CSMD1: variants seen among roughly 807,000 people sequenced by gnomAD.
CSMD1 encodes the protein CUB and Sushi multiple domains 1.
Under a neutral mutation model 417.5 loss-of-function variants are expected in CSMD1, and 213 were observed. The observed-to-expected ratio is 0.51, with a 90% CI of 0.46 to 0.57. The LOEUF (loss-of-function observed/expected upper bound fraction) is 0.57. Among genes scored for constraint, CSMD1 ranks in the 20% least tolerant of loss-of-function variants. CSMD1 has a pLI of 0.00. For missense variants in CSMD1, 6,923 were observed against 4,529.7 expected (o/e 1.53, Z -15.17); for synonymous variants, 2,862 against 1,736.8 (o/e 1.65, Z -16.11).
intron 5 of CSMD1, among the ~76,000 whole-genome samples, chr8:3,976,465 C>T (rs576358814): frequency 6.6e-6 from 1 of 152,104 alleles, no homozygotes; most frequent in African/African-American, 2.4e-5. Context: ...CAGCTGTCTC[C>T]CGGGTCTAGA....
chr8:3,847,871 G>C (rs1014197593), intron 5 of CSMD1, among the ~76,000 whole-genome samples: 1 of 152,142 alleles, frequency 6.6e-6, no homozygotes, highest in Non-Finnish European at 1.5e-5. Flanking sequence ...GCTCCCTATA[G>C]CTAGTCTGAC....
intron 3 of CSMD1, among the ~76,000 whole-genome samples, chr8:4,285,010 GGAT>G (rs1254007064): frequency 6.6e-6 from 1 of 152,090 alleles, no homozygotes; most frequent in African/African-American, 2.4e-5. Context: ...TGTAAAATGG[GGAT>G]AATAATGGTG....
At chr8:3,885,785 A>C (rs1806522383) in intron 5 of CSMD1, among the ~76,000 whole-genome samples, 1 of 152,164 alleles carries the variant, frequency 6.6e-6, no homozygotes, top group Non-Finnish European at 1.5e-5. Context: ...TTATGACAGA[A>C]AGCTGACTTT....
At chr8:3,523,763 A>C (rs1434166789) in intron 10 of CSMD1, among the ~76,000 whole-genome samples, 1 of 151,376 alleles carries the variant, frequency 6.6e-6, no homozygotes, top group South Asian at 2.1e-4. Context: ...GCACACACAC[A>C]TGCACACACA....
chr8:3,703,922 T>G (rs1801015508), intron 7 of CSMD1, among the ~76,000 whole-genome samples: 2 of 151,952 alleles, frequency 1.3e-5, no homozygotes, highest in South Asian at 2.1e-4. Context: ...TACAAAAAAA[T>G]TAGTCGGACA....
intron 5 of CSMD1, among the ~76,000 whole-genome samples, chr8:3,829,059 G>T (rs1216447926): frequency 1.3e-5 from 2 of 151,550 alleles, no homozygotes; most frequent in Non-Finnish European, 2.9e-5. Flanking sequence ...AGTTACTGGG[G>T]TATAGGTGGT....
At chr8:3,614,879 C>T (rs1802061564) in intron 8 of CSMD1, among the ~76,000 whole-genome samples, 1 of 152,094 alleles carries the variant, frequency 6.6e-6, no homozygotes, top group Non-Finnish European at 1.5e-5. Context: ...GCACTGTTGT[C>T]AACTCTGACA....
intron 6 of CSMD1, among the ~76,000 whole-genome samples, chr8:3,714,321 C>G (rs1455366692): frequency 1.3e-5 from 2 of 150,718 alleles, no homozygotes; most frequent in Non-Finnish European, 3.0e-5. Context: ...AATCACATTC[C>G]ATAAGCTACT....
At chr8:3,813,091 G>GTTTT (rs10714284) in intron 5 of CSMD1, among the ~76,000 whole-genome samples, 11 of 135,500 alleles carry the variant, frequency 8.1e-5, no homozygotes, top group South Asian at 2.4e-4. Flanking sequence ...TTTTAAGCTA[G>GTTTT]TTTTTTTTTT....
chr8:3,841,194 G>A (rs910901868), intron 5 of CSMD1, among the ~76,000 whole-genome samples: 2 of 152,008 alleles, frequency 1.3e-5, no homozygotes, highest in Non-Finnish European at 1.5e-5. Context: ...GTAATACAAA[G>A]GAATTCCATA....
intron 3 of CSMD1, among the ~76,000 whole-genome samples, chr8:4,180,246 A>T (rs2680620): frequency 6.6e-5 from 10 of 151,974 alleles, no homozygotes; most frequent in Non-Finnish European, 1.3e-4. Context: ...ACTATGCAGC[A>T]ATAAAAAATG....
intron 3 of CSMD1, among the ~76,000 whole-genome samples, chr8:4,178,233 T>C (rs1798165659): frequency 6.6e-6 from 1 of 152,088 alleles, no homozygotes. Flanking sequence ...TAATCCACTA[T>C]CATCAAGTGG....
At chr8:3,784,645 CTGTT>C (rs1195071500) in intron 5 of CSMD1, among the ~76,000 whole-genome samples, 8 of 152,156 alleles carry the variant, frequency 5.3e-5, no homozygotes, top group Admixed American at 1.3e-4. Context: ...AAATAGAAAT[CTGTT>C]TGGTTTGGAA....
At chr8:3,032,389 T>A (rs1314012381) in intron 50 of CSMD1, among the ~76,000 whole-genome samples, 1 of 151,890 alleles carries the variant, frequency 6.6e-6, no homozygotes. Flanking sequence ...GTCAGTTGTG[T>A]CTCCATGCAC....
intron 1 of CSMD1, among the ~76,000 whole-genome samples, chr8:4,786,733 T>C (rs890892201): frequency 6.6e-6 from 1 of 152,080 alleles, no homozygotes; most frequent in Non-Finnish European, 1.5e-5. Context: ...TAGTCCATTA[T>C]CTTTATTTTT....
At chr8:3,146,680 C>T (rs1031459326) in intron 40 of CSMD1, among the ~76,000 whole-genome samples, 6 of 152,070 alleles carry the variant, frequency 3.9e-5, no homozygotes, top group Non-Finnish European at 8.8e-5. Flanking sequence ...GGGTCACTGT[C>T]CCGCAGTAGG....
chr8:4,433,783 G>T (rs1366041965), intron 2 of CSMD1, among the ~76,000 whole-genome samples: 1 of 151,966 alleles, frequency 6.6e-6, no homozygotes, highest in African/African-American at 2.4e-5. Flanking sequence ...TTTAAAATTT[G>T]TGTCTATTTA....
chr8:3,880,937 G>C (rs1017378511), intron 5 of CSMD1, among the ~76,000 whole-genome samples: 3 of 152,084 alleles, frequency 2.0e-5, no homozygotes, highest in African/African-American at 7.2e-5. Flanking sequence ...TACATTGGAT[G>C]CAAAATTAGT....
chr8:4,069,397 A>G (rs1224971569), intron 3 of CSMD1, among the ~76,000 whole-genome samples: 2 of 152,252 alleles, frequency 1.3e-5, no homozygotes, highest in East Asian at 3.9e-4. Flanking sequence ...CTGTTTTCTG[A>G]GTTTTCCGAG....
Sources: allele counts gnomAD v4.1 joint callset (sites outside exome capture counted in the v4.1 genomes callset), GRCh38; gene constraint gnomAD v4.1.1; transcripts MANE v1.5; gene names NCBI Gene and HGNC (gene_info 2026-07-23, HGNC 2026-07-21).